CROCC2: variants seen among roughly 807,000 people sequenced by gnomAD.
The protein encoded by CROCC2 is ciliary rootlet coiled-coil protein 2.
Under a neutral mutation model 177.6 loss-of-function variants are expected in CROCC2, and 163 were observed. The observed-to-expected ratio is 0.92, with a 90% CI of 0.81 to 1.05. CROCC2 has a LOEUF of 1.05. Ranked by LOEUF, CROCC2 falls within the 50% of genes least tolerant of loss-of-function variation. The pLI, the probability that CROCC2 is intolerant of heterozygous loss-of-function variation, is 0.00. For missense variants in CROCC2, 1,929 were observed against 1,797.8 expected, an observed-to-expected ratio of 1.07 and a Z score of -1.32; for synonymous variants, 904 against 787.3, an observed-to-expected ratio of 1.15 and a Z score of -2.48.
chr2:240,911,078 C>T (rs1184446306), intron 1 of CROCC2, among the ~76,000 whole-genome samples: 2 of 152,010 alleles, frequency 1.3e-5, no homozygotes, highest in Non-Finnish European at 2.9e-5. Context: ...TAACAGTGAG[C>T]CAAGATCGCA....
chr2:240,971,033 G>A (rs1249190370), intron 27 of CROCC2, among the ~76,000 whole-genome samples: 3 of 152,174 alleles, frequency 2.0e-5, no homozygotes, highest in African/African-American at 7.2e-5. Flanking sequence ...TTGTCGGGCT[G>A]AGCCTCATTT....
chr2:240,941,872 G>T (rs1323220109), intron 14 of CROCC2, among the ~76,000 whole-genome samples: 1 of 152,146 alleles, frequency 6.6e-6, no homozygotes, highest in Admixed American at 6.5e-5. Flanking sequence ...GGCCATAAGG[G>T]TTCCACCCTC....
chr2:240,952,485 T>G (rs1406160706), intron 18 of CROCC2, among the ~76,000 whole-genome samples: 1 of 152,244 alleles, frequency 6.6e-6, no homozygotes, highest in Non-Finnish European at 1.5e-5. Context: ...CCACAAATGT[T>G]GAATGCCTTG....
In CROCC2 at chr2:240,966,390, G is replaced by A. The variant is rs149334625; in HGVS notation, c.4127G>A (p.Arg1376Gln). The A allele has an allele frequency of 2.6e-3, 1,051 of 401,610 alleles. 1 individual carries two copies. The highest frequency in any genetic ancestry group is 3.8e-3 in the Non-Finnish European group (864 of 226,804). 24.9% of individuals were successfully genotyped at this position (401,610 alleles called of 1,614,324 possible). A position where few individuals can be genotyped will look rare whatever the true frequency, so the allele number is the denominator to read the frequency against. The change falls in exon 25 of 32, where the codon CGG becomes CAG. Residue 1376 changes from arginine to glutamine, a missense_variant. By Grantham distance (43) the Arg-to-Gln change is conservative. Coordinates refer to ENST00000690015, the MANE Select transcript of CROCC2 (RefSeq NM_001351305.2). ...CTGCGGGACTTTGTGCAGAAGCTCC[G>A]GGAAGCCCAGCGGGAGCGGGTAATG... ...DILRDFVQKL[R>Q]EAQRERDDSR...
rs996590743 is a variant in CROCC2 at position 240,960,318 on chromosome 2, G to T, written c.3087+874G>T. ...GCAAGAAAATAAGTGGGTTAGTGGAGATTTCGGGGTGTGCCTGGGCCTGGC... is the reference window on the plus strand; with the variant it reads ...GCAAGAAAATAAGTGGGTTAGTGGATATTTCGGGGTGTGCCTGGGCCTGGC... On this transcript the variant is annotated intron_variant, in intron 20 of 31. Transcript: ENST00000690015. The surrounding 1 kb of genome is among the most constrained non-coding windows in gnomAD (Gnocchi z 5.0). 6.6e-6 allele frequency among the ~76,000 whole-genome samples: 1 copy of T among 152,152 alleles called. No homozygotes were observed. The highest frequency in any genetic ancestry group is 1.5e-5 in the Non-Finnish European group (1 of 68,022).
chr2:240,964,350 C>G, intron 21 of CROCC2, 116 bp from the exon 22 acceptor site: 1 of 1,255,864 alleles, frequency 8.0e-7, no homozygotes, highest in Non-Finnish European at 1.1e-6. Flanking sequence ...TTTGAGGACA[C>G]TGTGCAGAGT....
At chr2:240,907,207 G>A (rs2059261128) in intron 1 of CROCC2, among the ~76,000 whole-genome samples, 1 of 152,186 alleles carries the variant, frequency 6.6e-6, no homozygotes, top group South Asian at 2.1e-4. Flanking sequence ...CAGCCCTAGT[G>A]TCTATTCTGT....
At chr2:240,930,102 A>G in intron 5 of CROCC2, 64 bp from the exon 6 acceptor site, 1 of 522,526 alleles carries the variant, frequency 1.9e-6, no homozygotes, top group Non-Finnish European at 3.5e-6. Flanking sequence ...CTTGGAAAAG[A>G]GTGGGCTTCA....
rs755365298 is a variant in CROCC2, at chr2:240,959,406, C to T, written c.3049C>T (p.Gln1017Ter). 2.4e-5 allele frequency: 37 copies of T among 1,550,364 alleles called. No homozygotes were observed. The highest frequency in any genetic ancestry group is 2.1e-4 in the South Asian group (18 of 84,040). Reference sequence around the variant, plus strand: ...GACCACGGCCCTACGCGAGAGCCTCCAGGACCTAGCGGCTGAGCGGGGCGA... The same window carrying T: ...GACCACGGCCCTACGCGAGAGCCTCTAGGACCTAGCGGCTGAGCGGGGCGA... ...RETTALRESL[Q>*]DLAAERGDVE... The change falls in exon 20 of 32, where the codon CAG becomes TAG. Residue 1017 changes from glutamine to a stop codon, truncating the protein, a stop_gained. Transcript: ENST00000690015. LOFTEE classifies it high-confidence loss of function.
chr2:240,955,626 T>C, intron 18 of CROCC2: 1 of 507,942 alleles, frequency 2.0e-6, no homozygotes, highest in Non-Finnish European at 3.5e-6. Context: ...GGTGGGACGA[T>C]GTCGGACAGA....
In CROCC2 at chr2:240,972,845, T is replaced by G. The variant is rs111608063; in HGVS notation, c.4401+4583T>G. ...CAACTTTTTGTAATCTATGAGTCATTGTGATAGGTTTCTGGATTCAGACAC... is the reference window on the plus strand; with the variant it reads ...CAACTTTTTGTAATCTATGAGTCATGGTGATAGGTTTCTGGATTCAGACAC... On this transcript the variant is annotated intron_variant, in intron 27 of 31. Transcript: ENST00000690015. This position sits in a 1 kb window ranked among gnomAD's most constrained non-coding sequence, Gnocchi z 7.1. Among the ~76,000 whole-genome samples the G allele has an allele frequency of 6.6e-6, 1 of 152,178 alleles. No homozygotes were observed. The highest frequency in any genetic ancestry group is 2.4e-5 in the African/African-American group (1 of 41,518).
At position 240,963,647 on chromosome 2, in the gene CROCC2, G is replaced by A. The variant is rs988224564; in HGVS notation, c.3179G>A (p.Gly1060Glu). Reference protein sequence around the residue: ...ELQGVEESREGLHREAQEARR... With the variant: ...ELQGVEESREELHREAQEARR... Reference sequence around the variant, plus strand: ...CAGGGCGTCGAGGAGAGCCGGGAGGGGCTGCACAGGGAGGCCCAGGAGGCC... The same window carrying A: ...CAGGGCGTCGAGGAGAGCCGGGAGGAGCTGCACAGGGAGGCCCAGGAGGCC... The change falls in exon 21 of 32, where the codon GGG (glycine) becomes GAG (glutamate). Residue 1060 changes from glycine (G) to glutamate (E), a missense_variant. Gly to Glu is a moderately conservative substitution (Grantham distance 98). This residue lies in a region of CROCC2 where 1,397 missense variants were observed against 1,239.9 expected (regional missense o/e 1.13). Coordinates refer to ENST00000690015, the MANE Select transcript of CROCC2 (RefSeq NM_001351305.2). The A allele has an allele frequency of 2.2e-5, 34 of 1,549,778 alleles. No individual in the cohort carries two copies. The highest frequency in any genetic ancestry group is 5.5e-5 in the African/African-American group (4 of 73,010).
chr2:240,958,518 G>A lies in CROCC2; in HGVS notation c.2944-783G>A. On this transcript the variant is annotated intron_variant, in intron 19 of 31. Coordinates refer to ENST00000690015, the MANE Select transcript of CROCC2 (RefSeq NM_001351305.2). The surrounding 1 kb of genome is among the most constrained non-coding windows in gnomAD (Gnocchi z 6.7). ...GATCTGGCACAGGGGCAGCCATGTG[G>A]GCACCTGTGCCCCCAGGAACACAAA... is the stretch of plus-strand genomic sequence containing the variant. The A allele has an allele frequency of 1.0e-6, 1 of 973,642 alleles. No homozygotes were observed. The highest frequency in any genetic ancestry group is 1.2e-6 in the Non-Finnish European group (1 of 819,230). 60.3% of individuals were successfully genotyped at this position (973,642 alleles called of 1,614,324 possible).
rs1030303988 is a variant in CROCC2, at chr2:240,949,033, A to G, written c.2418A>G (p.Thr806=). 6.5e-7 allele frequency: 1 copy of G among 1,549,940 alleles called. No individual in the cohort carries two copies. Among genetic ancestry groups the G allele is most frequent in the East Asian group, 2.4e-5 (1 of 40,920 alleles). ...TCCTTGAGGCCCAACAGCTGGCCAC[A>G]AAGCTGCAGGAGCAGCTGGAGGAGG... ...SSLLEAQQLA[T]KLQEQLEEEA... Residue 806 remains threonine, a synonymous_variant, in exon 16 of 32, where the codon ACA becomes ACG. Coordinates refer to ENST00000690015, the MANE Select transcript of CROCC2 (RefSeq NM_001351305.2). This position sits in a 1 kb window ranked among gnomAD's most constrained non-coding sequence, Gnocchi z 4.5.
rs377335213 is a variant in CROCC2 at position 240,960,095 on chromosome 2, C to T, written c.3087+651C>T. Among the ~76,000 whole-genome samples, 19 of 152,350 alleles carry T rather than the reference C, an allele frequency of 1.2e-4. No homozygotes were observed. In the South Asian group the frequency reaches 1.9e-3, roughly 15 times the overall value. On this transcript the variant is annotated intron_variant, in intron 20 of 31. Coordinates refer to ENST00000690015, the MANE Select transcript of CROCC2 (RefSeq NM_001351305.2). This position sits in a 1 kb window ranked among gnomAD's most constrained non-coding sequence, Gnocchi z 5.0. ...ACTCTGGAGGCACTGGGGCAGCTGT[C>T]GCCTCCCAAAGCCTTCCCGAGAGAC...
In CROCC2 at chr2:240,963,584, T is replaced by A; in HGVS notation, c.3116T>A (p.Val1039Glu). The A allele has an allele frequency of 1.3e-6, 2 of 1,545,676 alleles. No individual in the cohort carries two copies. Among genetic ancestry groups the A allele is most frequent in the Non-Finnish European group, 1.7e-6 (2 of 1,144,778 alleles). Residue 1039 changes from valine to glutamate, a missense_variant, in exon 21 of 32, where the codon GTG becomes GAG. Val to Glu is a moderately radical substitution (Grantham distance 121). This residue lies in a region of CROCC2 where 1,397 missense variants were observed against 1,239.9 expected (regional missense o/e 1.13). Coordinates refer to ENST00000690015, the MANE Select transcript of CROCC2 (RefSeq NM_001351305.2). Reference protein sequence around the residue: ...EAERLRAQLTVAQEGLAALRQ... With the variant: ...EAERLRAQLTEAQEGLAALRQ... ...GAGAGGCTGCGGGCACAGCTGACCG[T>A]GGCCCAGGAGGGACTGGCCGCACTG...
At chr2:240,959,150 C>A in intron 19 of CROCC2, 151 bp from the exon 20 acceptor site, 2 of 854,026 alleles carry the variant, frequency 2.3e-6, no homozygotes, top group Non-Finnish European at 3.4e-6. Flanking sequence ...AAACCAAGGG[C>A]CAGTTACCCC....
At position 240,983,541 on chromosome 2, in the gene CROCC2, A is replaced by C. The variant is rs539480835; in HGVS notation, c.4551+512A>C. 1.6e-3 allele frequency: 2,013 copies of C among 1,272,218 alleles called. 25 individuals carry two copies. In the African/African-American group the frequency reaches 0.029, roughly 18 times the overall value. 78.8% of individuals were successfully genotyped at this position (1,272,218 alleles called of 1,614,324 possible). A position where few individuals can be genotyped will look rare whatever the true frequency, so the allele number is the denominator to read the frequency against. ...CTGCGCACCGAGCGGGCGCGTCTGC[A>C]GGGGGAGCTCGCGGCGCTGCGCGCT... On this transcript the variant is annotated intron_variant, in intron 28 of 31. Transcript: ENST00000690015.
In CROCC2 at chr2:240,918,622, C is replaced by G; in HGVS notation, c.79-104C>G. 1 of 491,900 alleles carries G rather than the reference C, an allele frequency of 2.0e-6. No homozygotes were observed. Among genetic ancestry groups the G allele is most frequent in the Non-Finnish European group, 3.6e-6 (1 of 278,364 alleles). The allele number at this position is 491,900 out of a possible 1,614,324, so 30.5% of individuals were successfully genotyped here. A position where few individuals can be genotyped will look rare whatever the true frequency, so the allele number is the denominator to read the frequency against. Reference sequence around the variant, plus strand: ...CTGTCCTCTCCAGGGCACTCTGCTGCCTTGGGGTGGCCCTGTGGCGGCTCC... The same window carrying G: ...CTGTCCTCTCCAGGGCACTCTGCTGGCTTGGGGTGGCCCTGTGGCGGCTCC... On this transcript the variant is annotated intron_variant, in intron 1 of 31. Transcript: ENST00000690015. This position sits in a 1 kb window ranked among gnomAD's most constrained non-coding sequence, Gnocchi z 6.3.
Sources: allele counts gnomAD v4.1 joint callset (sites outside exome capture counted in the v4.1 genomes callset), GRCh38; gene constraint gnomAD v4.1.1; regional missense constraint gnomAD v4.1.1; non-coding constraint Gnocchi (gnomAD v3.1); transcripts MANE v1.5; gene names NCBI Gene and HGNC (gene_info 2026-07-23, HGNC 2026-07-21).